Variants in ADAMTSL1 observed in about 807,000 individuals in gnomAD.
ADAMTSL1 encodes the protein ADAMTS-like protein 1.
A neutral mutation model predicts 201.8 loss-of-function variants in ADAMTSL1; 126 were observed. The observed-to-expected ratio is 0.62, with a 90% CI of 0.54 to 0.72. The LOEUF (loss-of-function observed/expected upper bound fraction) is 0.72. Ranked by LOEUF, ADAMTSL1 falls within the 30% of genes least tolerant of loss-of-function variation. The pLI, the probability that ADAMTSL1 is intolerant of heterozygous loss-of-function variation, is 0.00. For missense variants in ADAMTSL1, 2,679 were observed against 2,277.8 expected (o/e 1.18, Z -3.59); for synonymous variants, 1,121 against 903.4 (o/e 1.24, Z -4.32).
intron 1 of ADAMTSL1, among the ~76,000 whole-genome samples, chr9:18,105,023 A>T (rs1824695412): frequency 6.6e-6 from 1 of 152,188 alleles, no homozygotes; most frequent in South Asian, 2.1e-4. Context: ...CCGTATGTAT[A>T]AATAAAAAAA....
intron 15 of ADAMTSL1, among the ~76,000 whole-genome samples, chr9:18,724,677 G>T (rs553513201): frequency 3.9e-5 from 6 of 152,244 alleles, no homozygotes; most frequent in African/African-American, 1.4e-4. Context: ...TTGACACATA[G>T]TAGATGATTA....
At chr9:18,603,425 G>A (rs1587687610) in intron 4 of ADAMTSL1, among the ~76,000 whole-genome samples, 1 of 146,834 alleles carries the variant, frequency 6.8e-6, no homozygotes, top group Non-Finnish European at 1.5e-5. Flanking sequence ...GCTATACTGT[G>A]CTATACTGTA....
chr9:17,940,712 CAA>C (rs60466124), intron 1 of ADAMTSL1, among the ~76,000 whole-genome samples: 54,137 of 88,078 alleles, frequency 0.61, 12,921 homozygotes, highest in East Asian at 0.85. Context: ...GCATAACGTG[CAA>C]AAAAAAAAAA....
chr9:18,864,997 T>C (rs1292971209), intron 23 of ADAMTSL1, among the ~76,000 whole-genome samples: 2 of 152,182 alleles, frequency 1.3e-5, no homozygotes, highest in African/African-American at 4.8e-5. Context: ...CACACATTTT[T>C]TTTCTCCTAT....
chr9:18,605,189 A>G (rs2132563729), intron 4 of ADAMTSL1, among the ~76,000 whole-genome samples: 1 of 152,292 alleles, frequency 6.6e-6, no homozygotes, highest in South Asian at 2.1e-4. Flanking sequence ...AAAAAAATAA[A>G]AGTGTAACTG....
At chr9:17,926,117 A>G (rs1826516514) in intron 1 of ADAMTSL1, among the ~76,000 whole-genome samples, 1 of 152,156 alleles carries the variant, frequency 6.6e-6, no homozygotes, top group East Asian at 1.9e-4. Context: ...TATGGAAAGG[A>G]AAGAAGTTTT....
At chr9:18,256,099 C>A (rs1253295038) in intron 2 of ADAMTSL1, among the ~76,000 whole-genome samples, 2 of 152,206 alleles carry the variant, frequency 1.3e-5, no homozygotes, top group African/African-American at 4.8e-5. Context: ...GATTCCATTT[C>A]TTAAAATGTG....
intron 2 of ADAMTSL1, among the ~76,000 whole-genome samples, chr9:18,196,820 C>A (rs184041093): frequency 6.6e-6 from 1 of 152,058 alleles, no homozygotes; most frequent in African/African-American, 2.4e-5. Context: ...CAAGCTGTTC[C>A]CTCAGCCTGA....
At chr9:18,500,042 C>A (rs1274471531) in intron 1 of ADAMTSL1, among the ~76,000 whole-genome samples, 1 of 152,138 alleles carries the variant, frequency 6.6e-6, no homozygotes, top group Non-Finnish European at 1.5e-5. Flanking sequence ...TATTTGATAA[C>A]CTGTCCAGGT....
chr9:18,141,060 T>G (rs943088199), intron 1 of ADAMTSL1, among the ~76,000 whole-genome samples: 5 of 152,210 alleles, frequency 3.3e-5, no homozygotes, highest in African/African-American at 1.2e-4. Context: ...ATCAGAATGA[T>G]AGTTTACTTG....
rs200961850 is a variant in ADAMTSL1 at position 18,840,509 on chromosome 9, C to G, written c.4249+10532C>G. Among the ~76,000 whole-genome samples the G allele has an allele frequency of 6.6e-5, 10 of 151,976 alleles. No homozygotes were observed. In the East Asian group the frequency reaches 9.7e-4, roughly 15 times the overall value. ...TGTTCTTTTGGCTTAGGGTTGACTTCGCGATGTGGGCTCTTTTTTGGTTCC... is the reference window on the plus strand; with the variant it reads ...TGTTCTTTTGGCTTAGGGTTGACTTGGCGATGTGGGCTCTTTTTTGGTTCC... On this transcript the variant is annotated intron_variant, in intron 23 of 28. Coordinates refer to ENST00000380548, the MANE Select transcript of ADAMTSL1 (RefSeq NM_001040272.6).
chr9:18,539,097 T>C (rs1168284948), intron 3 of ADAMTSL1, among the ~76,000 whole-genome samples: 2 of 152,174 alleles, frequency 1.3e-5, no homozygotes, highest in Non-Finnish European at 2.9e-5. Flanking sequence ...CATACTCTAG[T>C]CCTTATTATT....
At chr9:18,314,375 A>C (rs564095006) in intron 2 of ADAMTSL1, among the ~76,000 whole-genome samples, 2 of 152,212 alleles carry the variant, frequency 1.3e-5, no homozygotes, top group East Asian at 3.9e-4. Flanking sequence ...CCTTGCAGTG[A>C]GTGTTACAGT....
In ADAMTSL1 at chr9:18,037,655, C is replaced by G. The variant is rs73418884; in HGVS notation, c.88-126207C>G. On this transcript the variant is annotated intron_variant, in intron 1 of 29. Transcript: ENST00000680146. ...TTGTATAAGATTTCAGATAGCTCCT[C>G]TGAAGAATTCCAGCCTATTGGAACC... Among the ~76,000 whole-genome samples, 405 of 152,282 alleles carry G rather than the reference C, an allele frequency of 2.7e-3. 2 individuals are homozygous for G. Among genetic ancestry groups the G allele is most frequent in the African/African-American group, 9.1e-3 (377 of 41,568 alleles).
intron 4 of ADAMTSL1, among the ~76,000 whole-genome samples, chr9:18,617,011 G>A (rs1446096333): frequency 2.0e-5 from 3 of 152,146 alleles, no homozygotes; most frequent in African/African-American, 7.2e-5. Context: ...AATAAGAACA[G>A]CTATGGTCAG....
Position 18,484,104 on chromosome 9 carries a change from G to T in ADAMTSL1, c.63+9809G>T, listed in dbSNP as rs576575983. Among the ~76,000 whole-genome samples the T allele has an allele frequency of 3.9e-5, 6 of 152,286 alleles. No individual in the cohort carries two copies. The South Asian group carries it at 1.2e-3, about 32-fold the overall frequency. The stretch of plus-strand genomic sequence containing the variant: ...TTCTTTCCTCCCTCAGTGCAAAATA[G>T]CATCTTCATTGAGAGCCTGCTATAT... On this transcript the variant is annotated intron_variant, in intron 1 of 28. Transcript: ENST00000380548.
intron 2 of ADAMTSL1, among the ~76,000 whole-genome samples, chr9:18,524,579 G>A (rs182500861): frequency 0.02 from 3,036 of 152,240 alleles, 39 homozygotes; most frequent in Non-Finnish European, 0.031. Flanking sequence ...CTGTGGGTTT[G>A]TCATAAATAA....
chr9:18,439,582 G>C (rs1381234458), intron 2 of ADAMTSL1, among the ~76,000 whole-genome samples: 1 of 152,144 alleles, frequency 6.6e-6, no homozygotes, highest in African/African-American at 2.4e-5. Context: ...CGCCAGGATG[G>C]TCTCGATCTC....
intron 1 of ADAMTSL1, among the ~76,000 whole-genome samples, chr9:17,916,131 G>T (rs1020927578): frequency 1.1e-4 from 16 of 152,184 alleles, no homozygotes; most frequent in African/African-American, 3.6e-4. Context: ...ATGCTGGCCA[G>T]ACTGGTCTCG....
Sources: gnomAD v4.1 joint callset for allele counts (sites outside exome capture counted in the v4.1 genomes callset) on GRCh38, gnomAD v4.1.1 for gene constraint, MANE v1.5 for transcripts, NCBI Gene and HGNC (gene_info 2026-07-23, HGNC 2026-07-21) for gene names.